MYH15: variants seen among roughly 807,000 people sequenced by gnomAD.
MYH15 encodes the protein myosin-15.
In MYH15, 227 loss-of-function variants were observed where a neutral mutation model predicts 240.5. That is an observed-to-expected ratio of 0.94 (90% CI 0.85 to 1.05). MYH15 has a LOEUF of 1.05. MYH15 is among the 50% of genes least tolerant of loss of function. The pLI, the probability that MYH15 is intolerant of heterozygous loss-of-function variation, is 0.00. For missense variants in MYH15, 2,217 were observed against 2,247.5 expected, an observed-to-expected ratio of 0.99 and a Z score of 0.27; for synonymous variants, 785 against 796.7, an observed-to-expected ratio of 0.99 and a Z score of 0.25.
chr3:108,517,042 C>T lies in MYH15; in HGVS notation c.-57-6455G>A, dbSNP rs530633491. Reference sequence around the variant, plus strand: ...GTGCTTTTCAGTCTCTAATCCTACTCAACCTCTCTGCAGCATTTGACACTC... The same window carrying T: ...GTGCTTTTCAGTCTCTAATCCTACTTAACCTCTCTGCAGCATTTGACACTC... On this transcript the variant is annotated intron_variant, in intron 1 of 41. Coordinates refer to the MYH15 transcript ENST00000273353. 1.4e-3 allele frequency among the ~76,000 whole-genome samples: 213 copies of T among 152,292 alleles called. 1 individual carries two copies. Among genetic ancestry groups the T allele is most frequent in the Admixed American group, 4.2e-3 (64 of 15,294 alleles).
chr3:108,438,926 C>A (rs1230686734), intron 24 of MYH15, among the ~76,000 whole-genome samples: 1 of 151,648 alleles, frequency 6.6e-6, no homozygotes, highest in Non-Finnish European at 1.5e-5. Flanking sequence ...CATATAAACA[C>A]CCAAAAATCC....
At chr3:108,536,607 G>A in the MYH15 span, among the ~76,000 whole-genome samples, 1 of 152,198 alleles carries the variant, frequency 6.6e-6, no homozygotes, top group African/African-American at 2.4e-5. Context: ...ATGCCACTCA[G>A]GGTTCTACCA....
chr3:108,394,827 CT>C (rs887840209), intron 35 of MYH15, among the ~76,000 whole-genome samples: 1 of 152,216 alleles, frequency 6.6e-6, no homozygotes. Context: ...TGAAGCCCAG[CT>C]TTTCTGAGGG....
chr3:108,417,707 G>A (rs1042043401), intron 28 of MYH15, among the ~76,000 whole-genome samples: 3 of 151,510 alleles, frequency 2.0e-5, no homozygotes, highest in Non-Finnish European at 4.4e-5. Context: ...TCAACCTACC[G>A]AGGTCCTACA....
intron 1 of MYH15, among the ~76,000 whole-genome samples, chr3:108,509,647 C>T (rs941608056): frequency 6.6e-6 from 1 of 152,174 alleles, no homozygotes; most frequent in African/African-American, 2.4e-5. Flanking sequence ...TTATGTTGCA[C>T]TGCTGAATAA....
intron 1 of MYH15, among the ~76,000 whole-genome samples, chr3:108,507,274 T>G: frequency 1.0e-5 from 1 of 97,408 alleles, no homozygotes; most frequent in Admixed American, 1.1e-4. Flanking sequence ...TATATATATA[T>G]ATACACATAT....
intron 20 of MYH15, 73 bp from the exon 21 acceptor site, chr3:108,454,215 G>A: frequency 1.4e-6 from 2 of 1,386,342 alleles, no homozygotes; most frequent in South Asian, 1.5e-5. Context: ...GATCCTGTGA[G>A]CAACTGTTGT....
Position 108,485,245 on chromosome 3 carries a change from C to G in MYH15, c.976-16G>C, listed in dbSNP as rs2083296244. ...CCATGGCTTGCTGTAAAAAGAGAAACAGATGGCCCTGTCTTCATTTGCTTA... is the reference window on the plus strand; with the variant it reads ...CCATGGCTTGCTGTAAAAAGAGAAAGAGATGGCCCTGTCTTCATTTGCTTA... On this transcript the variant is annotated splice_polypyrimidine_tract_variant and intron_variant, in intron 10 of 40. Transcript: ENST00000693548. The G allele has an allele frequency of 2.5e-6, 4 of 1,613,356 alleles. No homozygotes were observed. Among genetic ancestry groups the G allele is most frequent in the African/African-American group, 1.3e-5 (1 of 74,892 alleles).
At chr3:108,537,181 G>A in the MYH15 span, among the ~76,000 whole-genome samples, 2 of 152,090 alleles carry the variant, frequency 1.3e-5, no homozygotes, top group African/African-American at 2.4e-5. Flanking sequence ...ACAGAGATGG[G>A]AGCAGGTATG....
intron 37 of MYH15, among the ~76,000 whole-genome samples, chr3:108,391,095 T>C (rs68104556): frequency 0.26 from 39,488 of 152,090 alleles, 5,486 homozygotes; most frequent in Non-Finnish European, 0.31. Flanking sequence ...TGTATGGATA[T>C]ACCATAAACA....
At chr3:108,474,347 T>A (rs1442256635) in intron 12 of MYH15, among the ~76,000 whole-genome samples, 1 of 151,974 alleles carries the variant, frequency 6.6e-6, no homozygotes, top group Non-Finnish European at 1.5e-5. Flanking sequence ...TCACTGGTCC[T>A]ATTATAGTAA....
chr3:108,419,335 TA>T (rs2082662691), intron 28 of MYH15, among the ~76,000 whole-genome samples: 1 of 152,012 alleles, frequency 6.6e-6, no homozygotes, highest in Non-Finnish European at 1.5e-5. Context: ...AACCAAAAGG[TA>T]AAGTTAAAAA....
intron 24 of MYH15, 24 bp downstream of exon 24, chr3:108,439,713 C>CTT: frequency 6.6e-7 from 1 of 1,523,622 alleles, no homozygotes; most frequent in South Asian, 1.3e-5. Flanking sequence ...AGATAGATAA[C>CTT]TAACCAGATA....
chr3:108,420,157 A>G (rs1456708), intron 28 of MYH15, among the ~76,000 whole-genome samples: 139,270 of 152,220 alleles, frequency 0.91, 63,779 homozygotes, highest in East Asian at 1. Flanking sequence ...GTGGTTGATA[A>G]TAATGAATAA....
the MYH15 span, among the ~76,000 whole-genome samples, chr3:108,544,472 A>T: frequency 6.6e-6 from 1 of 152,196 alleles, no homozygotes; most frequent in Non-Finnish European, 1.5e-5. Flanking sequence ...TGGCAAACAA[A>T]ATATGCTCCT....
At chr3:108,537,922 T>C in the MYH15 span, among the ~76,000 whole-genome samples, 10 of 152,176 alleles carry the variant, frequency 6.6e-5, no homozygotes, top group Non-Finnish European at 1.5e-4. Context: ...CATGTGATCA[T>C]CGCTGATATT....
rs2082561239 is a variant in MYH15, at chr3:108,408,277, T to C, written c.4620+3A>G. 6.2e-7 allele frequency: 1 copy of C among 1,609,084 alleles called. No homozygotes were observed. Among genetic ancestry groups the C allele is most frequent in the Non-Finnish European group, 8.5e-7 (1 of 1,178,782 alleles). ...AACTTTCTTTTCTCCCTGGTGATAA[T>C]ACCTCTGTTTCTTCCAGTGTCACCT... On this transcript the variant is annotated splice_donor_region_variant and intron_variant, in intron 32 of 40. Coordinates refer to ENST00000693548, the MANE Select transcript of MYH15 (RefSeq NM_014981.3).
At chr3:108,386,817 C>A (rs978662741) in intron 38 of MYH15, among the ~76,000 whole-genome samples, 15 of 151,974 alleles carry the variant, frequency 9.9e-5, no homozygotes, top group African/African-American at 3.4e-4. Flanking sequence ...ATACTACATT[C>A]TTGACTAGAT....
intron 25 of MYH15, among the ~76,000 whole-genome samples, chr3:108,433,679 C>T (rs1259320976): frequency 6.6e-6 from 1 of 152,070 alleles, no homozygotes; most frequent in Non-Finnish European, 1.5e-5. Flanking sequence ...GGAGGAGTCC[C>T]CCTGCACAAG....
Sources: gnomAD v4.1 joint callset for allele counts (sites outside exome capture counted in the v4.1 genomes callset) on GRCh38, gnomAD v4.1.1 for gene constraint, MANE v1.5 for transcripts, NCBI Gene and HGNC (gene_info 2026-07-23, HGNC 2026-07-21) for gene names.